HDAC9: variants seen among roughly 807,000 people sequenced by gnomAD.
The protein encoded by HDAC9 is histone deacetylase 9, also known as MEF-2 interacting transcription repressor (MITR) protein.
HDAC9 carries 41 observed loss-of-function variants against 139.4 expected under a neutral mutation model. The ratio of observed to expected loss-of-function variants is 0.29; its 90% CI spans 0.23 to 0.38. The LOEUF is 0.38. Among genes scored for constraint, HDAC9 ranks in the 10% least tolerant of loss-of-function variants. The pLI is 1.00. For missense variants in HDAC9, 1,147 were observed against 1,297.0 expected, an observed-to-expected ratio of 0.88 and a Z score of 1.78; for synonymous variants, 517 against 476.2, an observed-to-expected ratio of 1.09 and a Z score of -1.12.
intron 1 of HDAC9, among the ~76,000 whole-genome samples, chr7:18,462,967 A>G (rs367665982): frequency 1.2e-3 from 183 of 152,150 alleles, no homozygotes; most frequent in Middle Eastern, 3.4e-3. Flanking sequence ...GTGCCAATGT[A>G]TAGTCCTACT....
chr7:18,966,626 G>A (rs761222531), intron 24 of HDAC9, among the ~76,000 whole-genome samples: 14 of 152,180 alleles, frequency 9.2e-5, no homozygotes, highest in South Asian at 6.2e-4. Context: ...GCTTGAACCC[G>A]GGAGGCAGAG....
rs771046575 is a variant in HDAC9 at position 18,590,492 on chromosome 7, A to G, written c.415+6A>G. The G allele has an allele frequency of 6.3e-7, 1 of 1,590,772 alleles. No homozygotes were observed. The highest frequency in any genetic ancestry group is 8.6e-7 in the Non-Finnish European group (1 of 1,168,278). Reference sequence around the variant, plus strand: ...CAAAGATAGAGGACGAGAAAGTAAGAGGCACCAGGGTAAACGATGGACTCT... The same window carrying G: ...CAAAGATAGAGGACGAGAAAGTAAGGGGCACCAGGGTAAACGATGGACTCT... On this transcript the variant is annotated splice_donor_region_variant and intron_variant, in intron 4 of 25. Coordinates refer to ENST00000686413, the MANE Select transcript of HDAC9 (RefSeq NM_178425.4).
chr7:18,949,601 T>C (rs368803083), intron 23 of HDAC9: 1 of 182,310 alleles, frequency 5.5e-6, no homozygotes, highest in East Asian at 1.5e-4. Flanking sequence ...CAATTCATCA[T>C]AGGTACCAGC....
chr7:18,908,437 ATTG>A (rs1250606595), intron 22 of HDAC9, among the ~76,000 whole-genome samples: 14 of 152,064 alleles, frequency 9.2e-5, no homozygotes, highest in Non-Finnish European at 1.6e-4. Flanking sequence ...AACAGAATAA[ATTG>A]TTGTTAACTG....
intron 2 of HDAC9, chr7:18,505,710 G>A (rs1799583738): frequency 6.6e-6 from 1 of 152,130 alleles, no homozygotes; most frequent in African/African-American, 2.4e-5. Flanking sequence ...CTTTCCAACA[G>A]GTAATTTTTA....
chr7:18,590,193 T>G (rs1297324757), intron 3 of HDAC9, 143 bp from the exon 4 acceptor site: 1 of 879,492 alleles, frequency 1.1e-6, no homozygotes, highest in African/African-American at 1.7e-5. Context: ...GTCCTTAGAT[T>G]TCAATGATTT....
At chr7:18,533,457 T>A (rs1455675887) in intron 2 of HDAC9, among the ~76,000 whole-genome samples, 2 of 152,220 alleles carry the variant, frequency 1.3e-5, no homozygotes, top group African/African-American at 4.8e-5. Context: ...CCTGAAAATG[T>A]CATTTTTCTA....
intron 21 of HDAC9, among the ~76,000 whole-genome samples, chr7:18,853,115 C>T (rs1048850544): frequency 1.3e-5 from 2 of 152,114 alleles, no homozygotes; most frequent in South Asian, 4.2e-4. Flanking sequence ...GACTTTCCAC[C>T]GAAGGGGTAG....
intron 21 of HDAC9, among the ~76,000 whole-genome samples, chr7:18,860,692 AAAGG>A (rs1488172684): frequency 3.9e-5 from 6 of 152,168 alleles, no homozygotes; most frequent in Admixed American, 3.9e-4. Flanking sequence ...AAGACGGAAG[AAAGG>A]AAGGAAGGAA....
At chr7:18,793,168 A>T (rs1159437573) in intron 16 of HDAC9, 177 bp from the exon 17 acceptor site, 2 of 593,754 alleles carry the variant, frequency 3.4e-6, no homozygotes, top group Non-Finnish European at 6.1e-6. Context: ...CAGCTGGCCA[A>T]GACGGAAGAC....
intron 25 of HDAC9, among the ~76,000 whole-genome samples, chr7:18,979,353 A>C (rs569383553): frequency 6.6e-6 from 1 of 152,286 alleles, no homozygotes; most frequent in East Asian, 1.9e-4. Context: ...ATATACATTC[A>C]TATCTAATGT....
intron 17 of HDAC9, among the ~76,000 whole-genome samples, chr7:18,823,470 G>A (rs1431211319): frequency 2.6e-5 from 4 of 152,188 alleles, no homozygotes; most frequent in Non-Finnish European, 5.9e-5. Flanking sequence ...CAGAGCAGGT[G>A]TGACTTGTGT....
At chr7:18,299,399 A>G (rs183387893) in intron 1 of HDAC9, among the ~76,000 whole-genome samples, 2 of 152,284 alleles carry the variant, frequency 1.3e-5, no homozygotes, top group Admixed American at 6.5e-5. Context: ...GGACCCTATC[A>G]CATTTCAAGA....
intron 1 of HDAC9, among the ~76,000 whole-genome samples, chr7:18,402,055 C>T (rs1038929221): frequency 6.6e-6 from 1 of 152,092 alleles, no homozygotes; most frequent in African/African-American, 2.4e-5. Context: ...TTTGTAAATG[C>T]CTTCAGTACC....
chr7:18,245,786 A>C (rs1192681585), intron 2 of HDAC9, among the ~76,000 whole-genome samples: 1 of 152,110 alleles, frequency 6.6e-6, no homozygotes. Flanking sequence ...ACTTAAGAAG[A>C]GGGAGTTTTG....
rs555498205 is a variant in HDAC9, at chr7:18,629,231, T to C, written c.665-119T>C. 13 of 906,260 alleles carry C rather than the reference T, an allele frequency of 1.4e-5. No homozygotes were observed. The South Asian group carries it at 2.5e-4, about 17-fold the overall frequency. 56.1% of individuals were successfully genotyped at this position (906,260 alleles called of 1,614,324 possible). On this transcript the variant is annotated intron_variant, in intron 6 of 25. Coordinates refer to ENST00000686413, the MANE Select transcript of HDAC9 (RefSeq NM_178425.4). ...CTCATTTATGTGCTTGGGTTTTTCA[T>C]TTGAGAATGAGAATGGACCAAGAAA... is the stretch of plus-strand genomic sequence containing the variant.
chr7:18,150,053 G>T (rs1222467910), intron 1 of HDAC9, among the ~76,000 whole-genome samples: 1 of 146,574 alleles, frequency 6.8e-6, no homozygotes, highest in East Asian at 2.0e-4. Flanking sequence ...TTCCTAGTGT[G>T]ATTTGTCTTT....
At chr7:18,925,155 T>A (rs1329702724) in intron 22 of HDAC9, among the ~76,000 whole-genome samples, 3 of 152,172 alleles carry the variant, frequency 2.0e-5, no homozygotes, top group African/African-American at 7.2e-5. Flanking sequence ...CAGGCACAAC[T>A]GGCACTGTGA....
intron 1 of HDAC9, among the ~76,000 whole-genome samples, chr7:18,338,214 A>C (rs1333022689): frequency 6.6e-6 from 1 of 151,756 alleles, no homozygotes; most frequent in East Asian, 1.9e-4. Context: ...AATCAATTGA[A>C]TATGCAGTAA....
Sources: allele counts gnomAD v4.1 joint callset (sites outside exome capture counted in the v4.1 genomes callset), GRCh38; gene constraint gnomAD v4.1.1; transcripts MANE v1.5; gene names NCBI Gene and HGNC (gene_info 2026-07-23, HGNC 2026-07-21).